Variants in MAGI1 observed in about 807,000 individuals in gnomAD.
MAGI1 encodes the protein membrane associated guanylate kinase, WW and PDZ domain containing 1, also known as membrane-associated guanylate kinase, WW and PDZ domain-containing protein 1.
A neutral mutation model predicts 139.9 loss-of-function variants in MAGI1; 58 were observed. The ratio of observed to expected loss-of-function variants is 0.41; its 90% CI spans 0.34 to 0.52. The LOEUF (loss-of-function observed/expected upper bound fraction) is 0.52. Ranked by LOEUF, MAGI1 falls within the 20% of genes least tolerant of loss-of-function variation. The pLI, the probability that MAGI1 is intolerant of heterozygous loss-of-function variation, is 0.12. For missense variants in MAGI1, 1,874 were observed against 1,901.6 expected, an observed-to-expected ratio of 0.99 and a Z score of 0.27; for synonymous variants, 812 against 737.9, an observed-to-expected ratio of 1.10 and a Z score of -1.63.
At chr3:65,604,192 C>CAA (rs532216370) in intron 2 of MAGI1, among the ~76,000 whole-genome samples, 1 of 136,534 alleles carries the variant, frequency 7.3e-6, no homozygotes, top group Non-Finnish European at 1.6e-5. Context: ...CATCCAAATG[C>CAA]AAAAAAAAAA....
At chr3:65,748,925 G>A (rs2107812462) in intron 1 of MAGI1, among the ~76,000 whole-genome samples, 1 of 152,236 alleles carries the variant, frequency 6.6e-6, no homozygotes, top group Middle Eastern at 3.4e-3. Context: ...CCCTGGGAAG[G>A]GGGATAACAT....
At chr3:65,376,154 A>G (rs1164287644) in intron 17 of MAGI1, among the ~76,000 whole-genome samples, 1 of 152,180 alleles carries the variant, frequency 6.6e-6, no homozygotes, top group African/African-American at 2.4e-5. Context: ...CTGAAACTAG[A>G]ATTCATTGCT....
At chr3:65,476,615 A>G (rs73115941) in intron 4 of MAGI1, among the ~76,000 whole-genome samples, 36,558 of 152,154 alleles carry the variant, frequency 0.24, 4,430 homozygotes, top group South Asian at 0.32. Flanking sequence ...AATAGAGGAC[A>G]AATACAGGCA....
intron 1 of MAGI1, among the ~76,000 whole-genome samples, chr3:65,754,253 C>T (rs942010183): frequency 2.6e-5 from 4 of 152,116 alleles, no homozygotes; most frequent in Non-Finnish European, 5.9e-5. Context: ...AAATATGCCA[C>T]GATCTGATGT....
intron 2 of MAGI1, among the ~76,000 whole-genome samples, chr3:65,609,564 C>G (rs1410530884): frequency 3.3e-5 from 5 of 151,938 alleles, no homozygotes; most frequent in African/African-American, 1.2e-4. Flanking sequence ...CAGGTACGAG[C>G]CACCGGGTTT....
chr3:65,922,924 A>G (rs1335120692), intron 1 of MAGI1, among the ~76,000 whole-genome samples: 2 of 124,472 alleles, frequency 1.6e-5, no homozygotes, highest in South Asian at 3.4e-4. Flanking sequence ...GTAGGACTAT[A>G]CATAATAGGA....
chr3:65,815,670 T>A lies in MAGI1; in HGVS notation c.314-193582A>T, dbSNP rs116138428. On this transcript the variant is annotated intron_variant, in intron 1 of 22. Coordinates refer to ENST00000402939, the MANE Select transcript of MAGI1 (RefSeq NM_001033057.2). ...AATATTTTAAAATATATTTTATTAC[T>A]TGTCATATACATTTGAAATATTAAA... Among the ~76,000 whole-genome samples, 595 of 152,226 alleles carry A rather than the reference T, an allele frequency of 3.9e-3. 2 individuals are homozygous for A. The highest frequency in any genetic ancestry group is 0.023 in the South Asian group (113 of 4,822).
At chr3:65,986,049 G>A (rs1045570600) in intron 1 of MAGI1, among the ~76,000 whole-genome samples, 1 of 152,178 alleles carries the variant, frequency 6.6e-6, no homozygotes, top group Non-Finnish European at 1.5e-5. Flanking sequence ...AGGGTAAAAG[G>A]GTATAGGATA....
chr3:65,689,739 T>C (rs377177468), intron 1 of MAGI1, among the ~76,000 whole-genome samples: 2 of 152,256 alleles, frequency 1.3e-5, no homozygotes, highest in African/African-American at 2.4e-5. Context: ...CAAGTGCTCA[T>C]TGATTTACTC....
At chr3:65,603,800 C>T (rs1024459507) in intron 2 of MAGI1, among the ~76,000 whole-genome samples, 2 of 152,142 alleles carry the variant, frequency 1.3e-5, no homozygotes, top group African/African-American at 4.8e-5. Context: ...CTTTTGAGGG[C>T]CTGGTCTCTC....
At chr3:65,616,167 G>A (rs539755157) in intron 2 of MAGI1, among the ~76,000 whole-genome samples, 9 of 152,044 alleles carry the variant, frequency 5.9e-5, no homozygotes, top group African/African-American at 1.9e-4. Flanking sequence ...TCTTCTTAAA[G>A]GAAGCCCACT....
At chr3:65,375,649 G>T in intron 18 of MAGI1, 96 bp downstream of exon 18, 1 of 1,060,356 alleles carries the variant, frequency 9.4e-7, no homozygotes, top group South Asian at 1.4e-5. Flanking sequence ...TCAGTTACAC[G>T]AACACTAATC....
At chr3:65,764,610 C>G (rs1451065339) in intron 1 of MAGI1, among the ~76,000 whole-genome samples, 1 of 152,210 alleles carries the variant, frequency 6.6e-6, no homozygotes, top group Non-Finnish European at 1.5e-5. Flanking sequence ...GATCACCTCA[C>G]TCTACAGAAT....
intron 12 of MAGI1, among the ~76,000 whole-genome samples, chr3:65,422,777 T>G (rs998566121): frequency 6.6e-6 from 1 of 151,884 alleles, no homozygotes; most frequent in African/African-American, 2.4e-5. Flanking sequence ...TGAAATAACC[T>G]CCGAGCCGAG....
At position 65,442,803 on chromosome 3, in the gene MAGI1, G is replaced by T. The variant is rs766953209; in HGVS notation, c.1125C>A (p.Ile375=). The T allele has an allele frequency of 3.7e-6, 6 of 1,612,540 alleles. No individual in the cohort carries two copies. Among genetic ancestry groups the T allele is most frequent in the Non-Finnish European group, 5.1e-6 (6 of 1,178,886 alleles). The stretch of plus-strand genomic sequence containing the variant: ...GAATGGGCACTTACTCTACATAGTA[G>T]ATACCATAGACAGGGTCTTCAATCT... The part of the protein sequence containing the change: ...WEKIEDPVYG[I]YYVDHINRKT... The change falls in exon 8 of 23, where the codon ATC becomes ATA. Residue 375 remains isoleucine (I), a synonymous_variant. Coordinates refer to ENST00000402939, the MANE Select transcript of MAGI1 (RefSeq NM_001033057.2).
At chr3:65,662,596 A>G (rs979371082) in intron 1 of MAGI1, among the ~76,000 whole-genome samples, 2 of 152,128 alleles carry the variant, frequency 1.3e-5, no homozygotes, top group African/African-American at 2.4e-5. Context: ...TCTCTTTTTT[A>G]TTGTATCAAT....
At chr3:65,880,031 C>A (rs923333248) in intron 1 of MAGI1, among the ~76,000 whole-genome samples, 2 of 152,186 alleles carry the variant, frequency 1.3e-5, no homozygotes, top group African/African-American at 4.8e-5. Flanking sequence ...GAGGCCGAAG[C>A]AGGAGTTCAA....
intron 2 of MAGI1, among the ~76,000 whole-genome samples, chr3:65,521,852 C>T (rs1225730971): frequency 1.3e-5 from 2 of 152,146 alleles, no homozygotes; most frequent in Admixed American, 6.5e-5. Context: ...CATAGCTTTG[C>T]TATTTTAAAT....
chr3:65,375,674 A>G, intron 18 of MAGI1, 71 bp downstream of exon 18: 1 of 1,274,078 alleles, frequency 7.8e-7, no homozygotes, highest in Non-Finnish European at 1.1e-6. Flanking sequence ...AGAGAGAAAG[A>G]GAAAAGGAAA....
Sources: allele counts gnomAD v4.1 joint callset (sites outside exome capture counted in the v4.1 genomes callset), GRCh38; gene constraint gnomAD v4.1.1; transcripts MANE v1.5; gene names NCBI Gene and HGNC (gene_info 2026-07-23, HGNC 2026-07-21).